POLR3K: variants seen among roughly 807,000 people sequenced by gnomAD.
POLR3K encodes the protein RNA polymerase III subunit K.
A neutral mutation model predicts 13.5 loss-of-function variants in POLR3K; 11 were observed. The observed-to-expected ratio is 0.81, with a 90% CI of 0.51 to 1.35. POLR3K has a LOEUF of 1.35. Among genes scored for constraint, POLR3K ranks in the 40% most tolerant of loss-of-function variants. The probability of loss-of-function intolerance (pLI) is 0.00; values close to 1 mark genes in which losing one functional copy is unlikely to be tolerated. For synonymous variants in POLR3K, 56 were observed against 51.5 expected, an observed-to-expected ratio of 1.09 and a Z score of -0.38; for missense variants, 144 against 145.3, an observed-to-expected ratio of 0.99 and a Z score of 0.05.
intron 1 of POLR3K, chr16:53,256 G>A (rs1022235278): frequency 2.0e-5 from 18 of 895,070 alleles, no homozygotes; most frequent in Admixed American, 3.7e-5. Flanking sequence ...ACGCAGAGAA[G>A]GGCGCGAGCG....
chr16:53,279 C>T, intron 1 of POLR3K, 197 bp downstream of exon 1: 20 of 1,127,886 alleles, frequency 1.8e-5, no homozygotes, highest in Non-Finnish European at 2.0e-5. Context: ...GGAGCAGGAA[C>T]CCAAGGCGGT....
At chr16:52,764 T>TAAAAAAAAAAA (rs1897349350) in intron 1 of POLR3K, among the ~76,000 whole-genome samples, 1 of 41,820 alleles carries the variant, frequency 2.4e-5, no homozygotes, top group Non-Finnish European at 4.3e-5. Context: ...GGACTCCGTC[T>TAAAAAAAAAAA]CAAAAAAAAA....
intron 2 of POLR3K, among the ~76,000 whole-genome samples, chr16:49,107 C>T (rs1267490025): frequency 6.7e-6 from 1 of 149,860 alleles, no homozygotes; most frequent in Non-Finnish European, 1.5e-5. Flanking sequence ...GAGCAGAGAT[C>T]GTGCCACTAC....
intron 1 of POLR3K, among the ~76,000 whole-genome samples, chr16:52,446 C>CAAAAAAAAAAAAAAAAA (rs767411954): frequency 2.7e-5 from 2 of 74,196 alleles, no homozygotes; most frequent in Non-Finnish European, 5.0e-5. Flanking sequence ...GACTCTGTCT[C>CAAAAAAAAAAAAAAAAA]AAAAAAAAAA....
intron 1 of POLR3K, 54 bp from the exon 2 acceptor site, chr16:51,699 TGC>T (rs757763571): frequency 7.6e-6 from 11 of 1,447,724 alleles, no homozygotes; most frequent in Non-Finnish European, 9.7e-6. Flanking sequence ...AAACCTGGGC[TGC>T]CAAACCTTAA....
intron 2 of POLR3K, among the ~76,000 whole-genome samples, chr16:48,848 G>C (rs1283558431): frequency 8.7e-6 from 1 of 114,816 alleles, no homozygotes; most frequent in Non-Finnish European, 2.0e-5. Flanking sequence ...GGCGATTCTG[G>C]TGTGGGCTGA....
At chr16:47,849 CAAAAAAAAAAA>C (rs750499325) in intron 2 of POLR3K, among the ~76,000 whole-genome samples, 1 of 35,158 alleles carries the variant, frequency 2.8e-5, no homozygotes, top group Non-Finnish European at 4.9e-5. Flanking sequence ...CCACTGCACT[CAAAAAAAAAAA>C]AAAAAAAAAA....
intron 1 of POLR3K, 83 bp downstream of exon 1, chr16:53,393 G>C: frequency 6.7e-7 from 1 of 1,497,070 alleles, no homozygotes; most frequent in South Asian, 1.3e-5. Flanking sequence ...AGACGCCGGG[G>C]CTGGCGGCGA....
At chr16:48,936 G>T (rs569739742) in intron 2 of POLR3K, among the ~76,000 whole-genome samples, 1 of 149,230 alleles carries the variant, frequency 6.7e-6, no homozygotes, top group Non-Finnish European at 1.5e-5. Flanking sequence ...GGTGGATCAC[G>T]AGGTCGGGAG....
At chr16:48,398 T>A (rs1207490905) in intron 2 of POLR3K, among the ~76,000 whole-genome samples, 1 of 152,136 alleles carries the variant, frequency 6.6e-6, no homozygotes, top group Non-Finnish European at 1.5e-5. Flanking sequence ...AAACGTAACA[T>A]GGAAGGTGAC....
intron 1 of POLR3K, among the ~76,000 whole-genome samples, chr16:52,320 G>A (rs1461919075): frequency 1.3e-5 from 2 of 151,624 alleles, no homozygotes; most frequent in Admixed American, 6.6e-5. Context: ...GGTGGCAGGC[G>A]CCTGTAATTC....
rs1897293349 is a variant in POLR3K at position 47,425 on chromosome 16, T to C, written c.*5A>G. ...ACACACTAGGGCAGCTGGGCCATCC[T>C]GGCCCTAATCCCTCCAGCGGTGTCC... On this transcript the variant is annotated 3_prime_UTR_variant, in exon 3 of 3. Coordinates refer to ENST00000293860, the MANE Select transcript of POLR3K (RefSeq NM_016310.5). The C allele has an allele frequency of 6.2e-7, 1 of 1,611,966 alleles. No individual in the cohort carries two copies. Among genetic ancestry groups the C allele is most frequent in the South Asian group, 1.1e-5 (1 of 91,022 alleles).
At chr16:50,086 G>A (rs1897318762) in intron 2 of POLR3K, among the ~76,000 whole-genome samples, 1 of 152,106 alleles carries the variant, frequency 6.6e-6, no homozygotes, top group Non-Finnish European at 1.5e-5. Context: ...AGCCTCCCGA[G>A]TAGCTGGGAT....
chr16:53,180 G>A (rs1354231694), intron 1 of POLR3K: 4 of 384,660 alleles, frequency 1.0e-5, no homozygotes, highest in Non-Finnish European at 1.8e-5. Context: ...AGAGCCGAAG[G>A]TTTCTGCGCA....
chr16:53,383 A>C, intron 1 of POLR3K, 93 bp downstream of exon 1: 6 of 1,483,054 alleles, frequency 4.0e-6, no homozygotes, highest in Non-Finnish European at 5.4e-6. Flanking sequence ...GGACAGAGGC[A>C]GACGCCGGGG....
At chr16:49,050 G>A (rs1301875415) in intron 2 of POLR3K, among the ~76,000 whole-genome samples, 1 of 152,054 alleles carries the variant, frequency 6.6e-6, no homozygotes, top group East Asian at 1.9e-4. Context: ...TACTAGGGAG[G>A]CTGAGGCAGG....
chr16:47,269 G>T lies in POLR3K; in HGVS notation c.*161C>A. On this transcript the variant is annotated 3_prime_UTR_variant, in exon 3 of 3. Coordinates refer to ENST00000293860, the MANE Select transcript of POLR3K (RefSeq NM_016310.5). ...ATGACTTCATCCACCCTGCCTGGCA[G>T]ATAGGCCATATTTCCTGACCCCCTG... is the stretch of plus-strand genomic sequence containing the variant. The T allele has an allele frequency of 1.2e-6, 1 of 869,108 alleles. No homozygotes were observed. Among genetic ancestry groups the T allele is most frequent in the Non-Finnish European group, 1.6e-6 (1 of 609,594 alleles). 53.8% of individuals were successfully genotyped at this position (869,108 alleles called of 1,614,324 possible).
At position 53,537 on chromosome 16, in the gene POLR3K, C is replaced by A; in HGVS notation, c.50G>T (p.Gly17Val). Residue 17 changes from glycine (G) to valine (V), a missense_variant, in exon 1 of 3, where the codon GGA (glycine) becomes GTA (valine). Physicochemically the swap from Gly to Val is moderately radical, Grantham distance 109. Transcript: ENST00000293860. ...GCAGGCGAAGCGGTGGCAGCGTTGTCCCTCCTCCACGATCAGCCCGTTCCC... is the reference window on the plus strand; with the variant it reads ...GCAGGCGAAGCGGTGGCAGCGTTGTACCTCCTCCACGATCAGCCCGTTCCC... ...GCGNGLIVEEGQRCHRFACNT... is the reference protein window; with the variant it reads ...GCGNGLIVEEVQRCHRFACNT... 6.2e-7 allele frequency: 1 copy of A among 1,613,274 alleles called. No individual in the cohort carries two copies. Among genetic ancestry groups the A allele is most frequent in the Non-Finnish European group, 8.5e-7 (1 of 1,179,790 alleles).
chr16:53,353 A>C, intron 1 of POLR3K, 123 bp downstream of exon 1: 1 of 1,441,936 alleles, frequency 6.9e-7, no homozygotes, highest in Non-Finnish European at 9.1e-7. Flanking sequence ...TGCAGACCAG[A>C]AAGGGGCGCG....
Sources: allele counts gnomAD v4.1 joint callset (sites outside exome capture counted in the v4.1 genomes callset), GRCh38; gene constraint gnomAD v4.1.1; transcripts MANE v1.5; gene names NCBI Gene and HGNC (gene_info 2026-07-23, HGNC 2026-07-21).